Variants in STPG2 observed in about 807,000 individuals in gnomAD.
STPG2 encodes the protein sperm tail PG-rich repeat containing 2.
STPG2 carries 56 observed loss-of-function variants against 54.2 expected under a neutral mutation model. The ratio of observed to expected loss-of-function variants is 1.03; its 90% confidence interval spans 0.83 to 1.29. The LOEUF (loss-of-function observed/expected upper bound fraction) is 1.29. STPG2 is among the 50% of genes most tolerant of loss of function. STPG2 has a pLI of 0.00. For missense variants in STPG2, 596 were observed against 544.9 expected, an observed-to-expected ratio of 1.09 and a Z score of -0.93; for synonymous variants, 200 against 181.8, an observed-to-expected ratio of 1.10 and a Z score of -0.81.
intron 10 of STPG2, among the ~76,000 whole-genome samples, chr4:97,662,449 T>C (rs1722400067): frequency 6.6e-6 from 1 of 152,118 alleles, no homozygotes; most frequent in Non-Finnish European, 1.5e-5. Flanking sequence ...GGAAAGCAGT[T>C]TGGAGATTTC....
chr4:97,924,082 C>T (rs541413909), intron 8 of STPG2, among the ~76,000 whole-genome samples: 82 of 152,244 alleles, frequency 5.4e-4, no homozygotes, highest in Non-Finnish European at 1.0e-3. Flanking sequence ...GTCCACACTG[C>T]GTTTATGAGC....
At chr4:98,041,125 G>C (rs921920806) in intron 5 of STPG2, among the ~76,000 whole-genome samples, 32 of 151,416 alleles carry the variant, frequency 2.1e-4, no homozygotes, top group African/African-American at 7.0e-4. Flanking sequence ...TCTTGATTTG[G>C]TTCTCAGCTT....
At chr4:97,860,467 G>GTTTTGTTTTA (rs367732672) in intron 8 of STPG2, among the ~76,000 whole-genome samples, 1 of 138,698 alleles carries the variant, frequency 7.2e-6, no homozygotes, top group East Asian at 2.1e-4. Flanking sequence ...ATATTCCTAA[G>GTTTTGTTTTA]TTTTATTTTA....
intron 10 of STPG2, among the ~76,000 whole-genome samples, chr4:97,675,208 G>T (rs541199056): frequency 6.6e-6 from 1 of 152,008 alleles, no homozygotes; most frequent in Non-Finnish European, 1.5e-5. Flanking sequence ...TCTCCATGTC[G>T]GTCAAGCTGG....
At chr4:97,458,504 A>C (rs1321949797) in intron 4 of STPG2, among the ~76,000 whole-genome samples, 1 of 152,206 alleles carries the variant, frequency 6.6e-6, no homozygotes, top group African/African-American at 2.4e-5. Flanking sequence ...GAAATTATAA[A>C]TATATAGTAT....
intron 5 of STPG2, among the ~76,000 whole-genome samples, chr4:98,077,403 C>T (rs551131235): frequency 2.6e-5 from 4 of 152,064 alleles, no homozygotes; most frequent in East Asian, 1.9e-4. Context: ...CCACCACGCC[C>T]GCCTAATTTT....
At chr4:97,967,250 C>G (rs1734138414) in intron 7 of STPG2, among the ~76,000 whole-genome samples, 1 of 143,574 alleles carries the variant, frequency 7.0e-6, no homozygotes, top group African/African-American at 2.6e-5. Flanking sequence ...TTTAAACGAA[C>G]AAAGTTCAAA....
At chr4:98,061,510 C>A (rs1469436029) in intron 5 of STPG2, among the ~76,000 whole-genome samples, 1 of 152,104 alleles carries the variant, frequency 6.6e-6, no homozygotes, top group Admixed American at 6.5e-5. Context: ...TCACCTCCCA[C>A]CAGGTCTCTC....
intron 8 of STPG2, among the ~76,000 whole-genome samples, chr4:97,856,183 G>A (rs922827496): frequency 6.6e-6 from 1 of 152,082 alleles, no homozygotes; most frequent in Non-Finnish European, 1.5e-5. Flanking sequence ...TTCTAAAATA[G>A]TTTTCTCTAA....
chr4:97,908,076 C>G (rs1205522325), intron 8 of STPG2, among the ~76,000 whole-genome samples: 1 of 151,710 alleles, frequency 6.6e-6, no homozygotes, highest in Admixed American at 6.6e-5. Context: ...TCAGAGTGAA[C>G]AGGCAACCTA....
At chr4:98,136,690 T>G (rs191301248) in intron 1 of STPG2, among the ~76,000 whole-genome samples, 1 of 151,794 alleles carries the variant, frequency 6.6e-6, no homozygotes, top group East Asian at 1.9e-4. Flanking sequence ...AGAAGTAAAA[T>G]GTACAACCAC....
At chr4:97,668,665 AAGGG>A (rs139501472) in intron 10 of STPG2, among the ~76,000 whole-genome samples, 7,607 of 147,820 alleles carry the variant, frequency 0.051, 280 homozygotes, top group Non-Finnish European at 0.081. Context: ...GGAAGGAAAG[AAGGG>A]AGGGAGGGAG....
intron 9 of STPG2, among the ~76,000 whole-genome samples, chr4:97,746,183 C>T (rs940053710): frequency 1.3e-5 from 2 of 151,126 alleles, no homozygotes; most frequent in Non-Finnish European, 3.0e-5. Flanking sequence ...TACTTTATTG[C>T]TAAGCCTTCT....
chr4:97,876,843 A>G (rs17027027), intron 8 of STPG2, among the ~76,000 whole-genome samples: 1 of 151,984 alleles, frequency 6.6e-6, no homozygotes, highest in African/African-American at 2.4e-5. Flanking sequence ...ATGTTTTCTT[A>G]GCCTGGAAAT....
intron 8 of STPG2, among the ~76,000 whole-genome samples, chr4:97,852,663 A>G (rs1286161601): frequency 6.6e-6 from 1 of 152,182 alleles, no homozygotes; most frequent in African/African-American, 2.4e-5. Context: ...AAAAACAATT[A>G]TGTAGTTATA....
At chr4:97,924,773 T>C (rs1732272347) in intron 8 of STPG2, among the ~76,000 whole-genome samples, 1 of 152,206 alleles carries the variant, frequency 6.6e-6, no homozygotes, top group Admixed American at 6.5e-5. Context: ...GTAGAGGTAG[T>C]AGATAAGTCA....
intron 5 of STPG2, among the ~76,000 whole-genome samples, chr4:98,029,072 A>C (rs1300346652): frequency 6.6e-6 from 1 of 152,052 alleles, no homozygotes; most frequent in African/African-American, 2.4e-5. Flanking sequence ...CAATACTTTA[A>C]ATATATTAAA....
At chr4:97,612,249 C>CAA (rs33922653) in intron 10 of STPG2, among the ~76,000 whole-genome samples, 1 of 140,158 alleles carries the variant, frequency 7.1e-6, no homozygotes, top group African/African-American at 2.7e-5. Context: ...TGTAAAATGG[C>CAA]AAAAAAAAAA....
At chr4:97,532,879 A>ATTTTCT (rs1388256253) in intron 4 of STPG2, among the ~76,000 whole-genome samples, 1 of 151,948 alleles carries the variant, frequency 6.6e-6, no homozygotes, top group Non-Finnish European at 1.5e-5. Flanking sequence ...TACTTAGCAT[A>ATTTTCT]TTTTCTTTTC....
Sources: allele counts gnomAD v4.1 joint callset (sites outside exome capture counted in the v4.1 genomes callset), GRCh38; gene constraint gnomAD v4.1.1; transcripts MANE v1.5; gene names NCBI Gene and HGNC (gene_info 2026-07-23, HGNC 2026-07-21).